TLN2: variants seen among roughly 807,000 people sequenced by gnomAD.
TLN2 encodes talin-2.
Under a neutral mutation model 294.7 loss-of-function variants are expected in TLN2, and 118 were observed. The observed-to-expected ratio is 0.40, with a 90% CI of 0.34 to 0.47. TLN2 has a LOEUF of 0.47. Among genes scored for constraint, TLN2 ranks in the 20% least tolerant of loss-of-function variants. The pLI, the probability that TLN2 is intolerant of heterozygous loss-of-function variation, is 0.84. For missense variants in TLN2, 3,083 were observed against 3,282.2 expected (o/e 0.94, Z 1.48); for synonymous variants, 1,431 against 1,304.5 (o/e 1.10, Z -2.09).
At chr15:62,683,506 T>TGAGTTACA (rs2057026257) in intron 11 of TLN2, among the ~76,000 whole-genome samples, 1 of 137,924 alleles carries the variant, frequency 7.3e-6, no homozygotes, top group African/African-American at 2.6e-5. Flanking sequence ...CTCCCGCCTC[T>TGAGTTACA]CATTGGTAGA....
At chr15:62,709,215 G>T (rs2059265564) in intron 21 of TLN2, among the ~76,000 whole-genome samples, 1 of 152,174 alleles carries the variant, frequency 6.6e-6, no homozygotes, top group Non-Finnish European at 1.5e-5. Context: ...GCACCGGGGT[G>T]GTCAGGAGGG....
intron 54 of TLN2, among the ~76,000 whole-genome samples, chr15:62,823,056 A>G (rs141373537): frequency 2.0e-5 from 3 of 152,342 alleles, no homozygotes; most frequent in Non-Finnish European, 2.9e-5. Context: ...AGGAAAGCCA[A>G]GGAGTCCTTC....
rs1323189166 is a variant in TLN2 at position 62,675,725 on chromosome 15, G to A, written c.957+404G>A. 3.9e-5 allele frequency among the ~76,000 whole-genome samples: 6 copies of A among 152,306 alleles called. 1 individual carries two copies. The South Asian group carries it at 1.2e-3, about 32-fold the overall frequency. ...ATGTGATAAATGCGATGCTTAATTTGTATACTTTAAGACAGGGCTTGGGAT... is the reference window on the plus strand; with the variant it reads ...ATGTGATAAATGCGATGCTTAATTTATATACTTTAAGACAGGGCTTGGGAT... On this transcript the variant is annotated intron_variant, in intron 11 of 58. Transcript: ENST00000636159.
intron 1 of TLN2, among the ~76,000 whole-genome samples, chr15:62,554,985 A>G (rs538320445): frequency 6.7e-3 from 592 of 87,992 alleles, no homozygotes; most frequent in African/African-American, 0.029. Context: ...TATAAATTCT[A>G]TTTAGAAAGA....
At chr15:62,728,006 A>G (rs142659072) in intron 28 of TLN2, among the ~76,000 whole-genome samples, 1 of 152,282 alleles carries the variant, frequency 6.6e-6, no homozygotes, top group East Asian at 1.9e-4. Context: ...AGAAGACAGC[A>G]TAAATCCTAA....
intron 40 of TLN2, among the ~76,000 whole-genome samples, chr15:62,764,323 T>C (rs2062858869): frequency 6.6e-6 from 1 of 152,222 alleles, no homozygotes. Context: ...CTTCTATCTC[T>C]ACCGAAAGCA....
At chr15:62,591,041 G>A (rs2046038227) in intron 2 of TLN2, among the ~76,000 whole-genome samples, 1 of 151,698 alleles carries the variant, frequency 6.6e-6, no homozygotes, top group Non-Finnish European at 1.5e-5. Context: ...GTGAATGAGG[G>A]TTCACTATAT....
In TLN2 at chr15:62,571,084, G is replaced by C. The variant is rs369254463; in HGVS notation, c.-237-18603G>C. On this transcript the variant is annotated intron_variant, in intron 1 of 58. Coordinates refer to ENST00000636159, the MANE Select transcript of TLN2 (RefSeq NM_015059.3). ...TGATGATCAATCAACATGATTGGCT[G>C]TTCACTTTTAGGGCATGTCTTAGCT... is the stretch of plus-strand genomic sequence containing the variant. Among the ~76,000 whole-genome samples, 42 of 152,306 alleles carry C rather than the reference G, an allele frequency of 2.8e-4. No individual in the cohort carries two copies. In the East Asian group the frequency reaches 5.6e-3, roughly 20 times the overall value.
intron 2 of TLN2, among the ~76,000 whole-genome samples, chr15:62,601,637 G>A (rs2047015323): frequency 1.3e-5 from 2 of 152,302 alleles, no homozygotes; most frequent in Middle Eastern, 3.4e-3. Context: ...TTGCAAAATA[G>A]TGGTATTCTA....
At chr15:62,799,340 T>G (rs2065763575) in intron 48 of TLN2, among the ~76,000 whole-genome samples, 1 of 152,224 alleles carries the variant, frequency 6.6e-6, no homozygotes, top group South Asian at 2.1e-4. Flanking sequence ...GAAAATGTTT[T>G]TATTATTATA....
intron 1 of TLN2, among the ~76,000 whole-genome samples, chr15:62,498,824 A>C (rs531427035): frequency 5.3e-5 from 8 of 152,148 alleles, no homozygotes; most frequent in Non-Finnish European, 8.8e-5. Context: ...TCTGTGAATG[A>C]CATGAAAAAT....
chr15:62,500,363 G>A (rs1027152071), intron 1 of TLN2, among the ~76,000 whole-genome samples: 1 of 152,082 alleles, frequency 6.6e-6, no homozygotes, highest in Non-Finnish European at 1.5e-5. Context: ...TAAATAAAAT[G>A]AATGCAGCAG....
At chr15:62,702,926 A>G in intron 19 of TLN2, 62 bp downstream of exon 19, 4 of 1,445,202 alleles carry the variant, frequency 2.8e-6, no homozygotes, top group Non-Finnish European at 3.9e-6. Context: ...AGACCCGAGC[A>G]GGCAGAATGT....
At chr15:62,402,723 CTGA>C (rs1247834875) in intron 1 of TLN2, among the ~76,000 whole-genome samples, 1 of 152,222 alleles carries the variant, frequency 6.6e-6, no homozygotes, top group Non-Finnish European at 1.5e-5. Context: ...CACTTCTCAG[CTGA>C]TGACCTGGCT....
Position 62,677,806 on chromosome 15 carries a change from C to CTTTTTTTTTTTTTTTTTTT in TLN2, c.957+2500_957+2501insTTTTTTTTTTTTTTTTTTT, listed in dbSNP as rs3055781. Among the ~76,000 whole-genome samples the CTTTTTTTTTTTTTTTTTTT allele has an allele frequency of 1.4e-3, 103 of 75,260 alleles. 24 individuals carry two copies. Among genetic ancestry groups the CTTTTTTTTTTTTTTTTTTT allele is most frequent in the South Asian group, 1.8e-3 (3 of 1,680 alleles). 49.4% of individuals were successfully genotyped at this position (75,260 alleles called of 152,430 possible). On this transcript the variant is annotated intron_variant, in intron 11 of 58. Coordinates refer to ENST00000636159, the MANE Select transcript of TLN2 (RefSeq NM_015059.3). ...TTAAGAAAGTAGGCAGCACTTGCAA[C>CTTTTTTTTTTTTTTTTTTT]TTTTTTTTTTTTTTTGAGACGGAGA...
intron 28 of TLN2, among the ~76,000 whole-genome samples, chr15:62,730,924 T>G (rs954466718): frequency 1.3e-5 from 2 of 152,166 alleles, no homozygotes; most frequent in African/African-American, 4.8e-5. Flanking sequence ...CCATTTCCTT[T>G]CTCTTATGCT....
chr15:62,393,785 C>A lies in TLN2; in HGVS notation c.-238+3100C>A, dbSNP rs933057179. Among the ~76,000 whole-genome samples the A allele has an allele frequency of 2.0e-5, 3 of 151,134 alleles. No individual in the cohort carries two copies. The South Asian group carries it at 6.3e-4, about 32-fold the overall frequency. ...CCAAGTTTACTACCTTAATATTTAT[C>A]TTTTTTTTAATGCCTCTCTCAACAA... On this transcript the variant is annotated intron_variant, in intron 1 of 58. Transcript: ENST00000636159.
intron 37 of TLN2, among the ~76,000 whole-genome samples, chr15:62,756,462 G>A (rs369175892): frequency 8.5e-5 from 13 of 152,268 alleles, no homozygotes; most frequent in African/African-American, 3.1e-4. Flanking sequence ...ACAACAGACC[G>A]CAGGCAGAAG....
At chr15:62,722,047 C>T (rs577869669) in intron 25 of TLN2, among the ~76,000 whole-genome samples, 25 of 152,078 alleles carry the variant, frequency 1.6e-4, no homozygotes, top group African/African-American at 5.3e-4. Flanking sequence ...TACAGTGAAA[C>T]CTATTTAATA....
Sources: allele counts gnomAD v4.1 joint callset (sites outside exome capture counted in the v4.1 genomes callset), GRCh38; gene constraint gnomAD v4.1.1; transcripts MANE v1.5; gene names NCBI Gene and HGNC (gene_info 2026-07-23, HGNC 2026-07-21).